The following APLP2 variants were observed in gnomAD, a reference collection of about 807,000 sequenced individuals.
The protein encoded by APLP2 is amyloid beta precursor like protein 2.
Under a neutral mutation model 89.9 loss-of-function variants are expected in APLP2, and 53 were observed. The observed-to-expected ratio is 0.59, with a 90% confidence interval of 0.47 to 0.74. APLP2 has a LOEUF of 0.74. APLP2 is among the 30% of genes least tolerant of loss of function. APLP2 has a pLI of 0.00. For synonymous variants in APLP2, 372 were observed against 348.6 expected (o/e 1.07, Z -0.75); for missense variants, 973 against 975.9 (o/e 1.00, Z 0.04).
At chr11:130,101,628 G>T in intron 1 of APLP2, 1 of 171,644 alleles carries the variant, frequency 5.8e-6, no homozygotes, top group Non-Finnish European at 1.3e-5. Flanking sequence ...TGAAATCTAG[G>T]CATATAATAA....
rs775594299 is a variant in APLP2, at chr11:130,135,699, C to G, written c.1821C>G (p.Ala607=). ...TCCACCCCTTCCACCCCTTCCCAGC[C>G]CTACCTGAGAACGAAGGTGTGTATG... ...PPFHPFHPFP[A]LPENEGSGVG... Residue 607 remains alanine, a synonymous_variant, in exon 13 of 17, where the codon GCC becomes GCG. Coordinates refer to ENST00000338167, the MANE Select transcript of APLP2 (RefSeq NM_001142276.2). The G allele has an allele frequency of 4.3e-6, 7 of 1,614,100 alleles. No individual in the cohort carries two copies. The East Asian group carries it at 1.6e-4, about 36-fold the overall frequency.
intron 4 of APLP2, among the ~76,000 whole-genome samples, 166 bp downstream of exon 4, chr11:130,120,984 A>C (rs995611294): frequency 6.6e-6 from 1 of 152,204 alleles, no homozygotes; most frequent in Non-Finnish European, 1.5e-5. Context: ...TTGGGAGAGA[A>C]GTAGGTATTT....
intron 3 of APLP2, among the ~76,000 whole-genome samples, chr11:130,116,173 GA>G (rs1013041094): frequency 1.8e-4 from 26 of 147,842 alleles, no homozygotes; most frequent in Admixed American, 2.0e-4. Flanking sequence ...AAGGTTGGGA[GA>G]AAAAAAAAAG....
At chr11:130,076,503 C>G (rs1053453028) in intron 1 of APLP2, among the ~76,000 whole-genome samples, 3 of 152,144 alleles carry the variant, frequency 2.0e-5, no homozygotes, top group African/African-American at 7.2e-5. Context: ...TTATCAAAAT[C>G]AAGGTGCGGG....
At position 130,122,301 on chromosome 11, in the gene APLP2, T is replaced by G. The variant is rs1300227072; in HGVS notation, c.714-4T>G. ...CCTTCCTTTTTTTCTATTTTGGCCT[T>G]CAGTGAATTTCCTACTGAAGCAGAT... is the stretch of plus-strand genomic sequence containing the variant. On this transcript the variant is annotated splice_region_variant and splice_polypyrimidine_tract_variant and intron_variant, in intron 5 of 16. Coordinates refer to ENST00000338167, the MANE Select transcript of APLP2 (RefSeq NM_001142276.2). 4 of 1,613,972 alleles carry G rather than the reference T, an allele frequency of 2.5e-6. No individual in the cohort carries two copies. The South Asian group carries it at 3.3e-5, about 13-fold the overall frequency.
At chr11:130,113,215 C>T (rs913417763) in intron 3 of APLP2, among the ~76,000 whole-genome samples, 5 of 152,122 alleles carry the variant, frequency 3.3e-5, no homozygotes, top group African/African-American at 1.2e-4. Flanking sequence ...ATACTGTTTA[C>T]GATAATTACA....
Position 130,123,729 on chromosome 11 carries a change from G to A in APLP2, c.1040G>A (p.Arg347Lys). ...RFIYGGCGGN[R>K]NNFESEDYCM... ...ATATATGGTGGCTGCGGCGGCAACA[G>A]GAACAATTTTGAGTCTGAGGATTAT... Residue 347 changes from arginine (R) to lysine (K), a missense_variant, in exon 7 of 17, where the codon AGG (arginine) becomes AAG (lysine). Transcript: ENST00000338167. This position sits in a 1 kb window ranked among gnomAD's most constrained non-coding sequence, Gnocchi z 4.0. 1.2e-6 allele frequency: 2 copies of A among 1,614,248 alleles called. No homozygotes were observed. Among genetic ancestry groups the A allele is most frequent in the Non-Finnish European group, 1.7e-6 (2 of 1,180,040 alleles).
At chr11:130,138,016 C>T (rs1314470827) in intron 13 of APLP2, among the ~76,000 whole-genome samples, 1 of 152,194 alleles carries the variant, frequency 6.6e-6, no homozygotes, top group Non-Finnish European at 1.5e-5. Flanking sequence ...ACGTGACTTG[C>T]TCTAAGAAGT....
chr11:130,074,820 A>G (rs1003268839), intron 1 of APLP2, among the ~76,000 whole-genome samples: 2 of 152,208 alleles, frequency 1.3e-5, no homozygotes, highest in African/African-American at 4.8e-5. Flanking sequence ...GCTAACATGA[A>G]CTACTCAAAG....
chr11:130,077,889 T>TTGC (rs1217686423), intron 1 of APLP2, among the ~76,000 whole-genome samples: 1 of 152,230 alleles, frequency 6.6e-6, no homozygotes, highest in Non-Finnish European at 1.5e-5. Context: ...CCAGCCACCC[T>TTGC]TGCTGCTTCT....
At chr11:130,114,865 T>C (rs1948992312) in intron 3 of APLP2, among the ~76,000 whole-genome samples, 1 of 152,228 alleles carries the variant, frequency 6.6e-6, no homozygotes, top group Non-Finnish European at 1.5e-5. Flanking sequence ...AGCTTTGAGG[T>C]GCTGTCTTCT....
At chr11:130,138,114 G>T (rs758565048) in intron 13 of APLP2, among the ~76,000 whole-genome samples, 1 of 152,202 alleles carries the variant, frequency 6.6e-6, no homozygotes, top group Non-Finnish European at 1.5e-5. Flanking sequence ...GGATCCCCCA[G>T]GTGGGTGGGT....
chr11:130,133,491 T>G (rs930582516), intron 11 of APLP2, 138 bp from the exon 12 acceptor site: 1 of 634,060 alleles, frequency 1.6e-6, no homozygotes, highest in Non-Finnish European at 2.8e-6. Context: ...CCCTGACCAG[T>G]TGCTTTGCTA....
Position 130,123,789 on chromosome 11 carries a change from G to C in APLP2, c.1090+10G>C. 6.2e-7 allele frequency: 1 copy of C among 1,613,414 alleles called. No individual in the cohort carries two copies. Among genetic ancestry groups the C allele is most frequent in the Non-Finnish European group, 8.5e-7 (1 of 1,179,530 alleles). On this transcript the variant is annotated intron_variant, in intron 7 of 16. Coordinates refer to ENST00000338167, the MANE Select transcript of APLP2 (RefSeq NM_001142276.2). This position sits in a 1 kb window ranked among gnomAD's most constrained non-coding sequence, Gnocchi z 4.0. Reference sequence around the variant, plus strand: ...GTGTGTAAAGCGATGAGTAAGTCCTGCCTCGCGCTGGTCCCGTGCGGCAGC... The same window carrying C: ...GTGTGTAAAGCGATGAGTAAGTCCTCCCTCGCGCTGGTCCCGTGCGGCAGC...
At position 130,070,524 on chromosome 11, in the gene APLP2, G is replaced by A. The variant is rs1048180668; in HGVS notation, c.105+442G>A. 1.8e-5 allele frequency: 22 copies of A among 1,246,612 alleles called. No individual in the cohort carries two copies. The African/African-American group carries it at 3.1e-4, about 18-fold the overall frequency. 77.2% of individuals were successfully genotyped at this position (1,246,612 alleles called of 1,614,324 possible). A position where few individuals can be genotyped will look rare whatever the true frequency, so the allele number is the denominator to read the frequency against. ...CGTACGCTCCCTCGCGCGGCACCGG[G>A]GCCTCGGCTCCGGGCCTCCCACCTG... is the stretch of plus-strand genomic sequence containing the variant. On this transcript the variant is annotated intron_variant, in intron 1 of 16. Transcript: ENST00000338167.
intron 3 of APLP2, among the ~76,000 whole-genome samples, chr11:130,111,454 A>C (rs900591579): frequency 6.6e-6 from 1 of 152,118 alleles, no homozygotes; most frequent in African/African-American, 2.4e-5. Flanking sequence ...AGACATCCTG[A>C]GTGGTTCTGT....
intron 1 of APLP2, chr11:130,109,035 A>G (rs1050043519): frequency 6.6e-6 from 1 of 151,606 alleles, no homozygotes; most frequent in African/African-American, 2.4e-5. Context: ...AACATCACAC[A>G]CTGGGGCCTG....
chr11:130,070,681 T>C, intron 1 of APLP2: 1 of 1,476,738 alleles, frequency 6.8e-7, no homozygotes, highest in Non-Finnish European at 8.9e-7. Flanking sequence ...TGGGGCCGGG[T>C]CGCGGACGCG....
rs1452871122 is a variant in APLP2, at chr11:130,090,788, C to T, written c.106-18641C>T. 4.7e-4 allele frequency among the ~76,000 whole-genome samples: 71 copies of T among 152,332 alleles called. No individual in the cohort carries two copies. In the Middle Eastern group the frequency reaches 0.01, roughly 22 times the overall value. ...TCAATGAGCCGTTGGGCACACCTCC[C>T]AGACGGGGTGGTGGCCGGGCAGAGG... is the stretch of plus-strand genomic sequence containing the variant. On this transcript the variant is annotated intron_variant, in intron 1 of 16. Coordinates refer to ENST00000338167, the MANE Select transcript of APLP2 (RefSeq NM_001142276.2).
Sources: allele counts gnomAD v4.1 joint callset (sites outside exome capture counted in the v4.1 genomes callset), GRCh38; gene constraint gnomAD v4.1.1; non-coding constraint Gnocchi (gnomAD v3.1); transcripts MANE v1.5; gene names NCBI Gene and HGNC (gene_info 2026-07-23, HGNC 2026-07-21).